CCDC148: variants seen among roughly 807,000 people sequenced by gnomAD.
CCDC148 encodes the protein coiled-coil domain containing 148, also known as coiled-coil domain-containing protein 148.
A neutral mutation model predicts 85.7 loss-of-function variants in CCDC148; 89 were observed. The observed-to-expected ratio is 1.04, with a 90% CI of 0.87 to 1.24. The LOEUF (loss-of-function observed/expected upper bound fraction) is 1.24, where lower values mean the gene tolerates loss of function less well. Among genes scored for constraint, CCDC148 ranks in the 50% most tolerant of loss-of-function variants. The pLI, the probability that CCDC148 is intolerant of heterozygous loss-of-function variation, is 0.00. For synonymous variants in CCDC148, 230 were observed against 213.9 expected, an observed-to-expected ratio of 1.08 and a Z score of -0.66; for missense variants, 692 against 671.7, an observed-to-expected ratio of 1.03 and a Z score of -0.33.
intron 9 of CCDC148, among the ~76,000 whole-genome samples, chr2:158,261,153 A>G (rs961580311): frequency 1.3e-5 from 2 of 152,146 alleles, no homozygotes; most frequent in Admixed American, 6.6e-5. Flanking sequence ...ACAACATGGT[A>G]CTGGTACAAA....
chr2:158,330,109 G>A (rs1039212098), intron 7 of CCDC148, among the ~76,000 whole-genome samples: 1 of 152,112 alleles, frequency 6.6e-6, no homozygotes, highest in Non-Finnish European at 1.5e-5. Flanking sequence ...AATGCTTCCA[G>A]TTTTTGCCCA....
chr2:158,366,091 A>G (rs1684191551), intron 1 of CCDC148: 1 of 1,482,048 alleles, frequency 6.7e-7, no homozygotes, highest in African/African-American at 1.4e-5. Context: ...TAAGGAAACG[A>G]GAGAACTAAA....
chr2:158,396,858 T>C (rs1314524796), intron 1 of CCDC148, among the ~76,000 whole-genome samples: 1 of 152,100 alleles, frequency 6.6e-6, no homozygotes, highest in Non-Finnish European at 1.5e-5. Context: ...CTAGTAGCAC[T>C]ACCAAAATTA....
intron 11 of CCDC148, among the ~76,000 whole-genome samples, chr2:158,218,293 T>C (rs548175062): frequency 7.9e-5 from 12 of 152,318 alleles, no homozygotes; most frequent in African/African-American, 2.6e-4. Context: ...ACAGAGCCTG[T>C]AGAGGTGAAA....
At chr2:158,417,437 T>A (rs1337110326) in intron 1 of CCDC148, among the ~76,000 whole-genome samples, 2 of 152,228 alleles carry the variant, frequency 1.3e-5, no homozygotes, top group African/African-American at 2.4e-5. Context: ...CCCTAGGGCT[T>A]CTTGGAGCCA....
Position 158,172,204 on chromosome 2 carries a change from T to G in CCDC148, c.1685A>C (p.His562Pro). Residue 562 changes from histidine to proline, a missense_variant, in exon 14 of 14, where the codon CAT (histidine) becomes CCT (proline). Transcript: ENST00000283233. ...TATCTCTTTAGCATAAAGTGTTCTA[T>G]GAAGTCCAGCTTCTCGAAGTGCTAA... ...FELALREAGL[H>P]RTLYAKEILP... The G allele has an allele frequency of 1.2e-6, 2 of 1,609,792 alleles. No individual in the cohort carries two copies. Among genetic ancestry groups the G allele is most frequent in the Non-Finnish European group, 1.7e-6 (2 of 1,177,728 alleles).
intron 1 of CCDC148, among the ~76,000 whole-genome samples, chr2:158,448,421 C>T (rs1322654003): frequency 6.6e-6 from 1 of 151,744 alleles, no homozygotes; most frequent in Non-Finnish European, 1.5e-5. Flanking sequence ...GATCACAGCT[C>T]ACTGCAGCCT....
chr2:158,318,583 A>AT (rs201518684), intron 7 of CCDC148, among the ~76,000 whole-genome samples: 37 of 150,916 alleles, frequency 2.5e-4, no homozygotes, highest in Admixed American at 1.1e-3. Context: ...TTTTACTTAG[A>AT]TTTTTTTTTA....
intron 1 of CCDC148, among the ~76,000 whole-genome samples, chr2:158,375,936 T>A (rs1188480469): frequency 6.6e-6 from 1 of 152,130 alleles, no homozygotes; most frequent in Non-Finnish European, 1.5e-5. Flanking sequence ...CCTGGACTCT[T>A]TCCCTCTGGA....
At chr2:158,316,815 C>T (rs927036695) in intron 7 of CCDC148, among the ~76,000 whole-genome samples, 1 of 152,142 alleles carries the variant, frequency 6.6e-6, no homozygotes, top group African/African-American at 2.4e-5. Flanking sequence ...TAGTAAAAAT[C>T]TAAGAATATT....
intron 9 of CCDC148, among the ~76,000 whole-genome samples, chr2:158,279,449 A>G (rs1469191672): frequency 1.3e-5 from 2 of 152,266 alleles, no homozygotes; most frequent in Non-Finnish European, 2.9e-5. Flanking sequence ...ATGGAGCTGA[A>G]AGCCAAGGCA....
rs558595657 is a variant in CCDC148, at chr2:158,234,982, G to A, written c.1252-14269C>T. Reference sequence around the variant, plus strand: ...TACACAATGGGGCCTTCCAGAGGGTGGAGGGTGGAGGAAAGAAAGGATGAG... The same window carrying A: ...TACACAATGGGGCCTTCCAGAGGGTAGAGGGTGGAGGAAAGAAAGGATGAG... On this transcript the variant is annotated intron_variant, in intron 10 of 13. Transcript: ENST00000283233. Among the ~76,000 whole-genome samples, 31 of 152,222 alleles carry A rather than the reference G, an allele frequency of 2.0e-4. No individual in the cohort carries two copies. In the South Asian group the frequency reaches 6.2e-3, roughly 31 times the overall value.
Position 158,340,681 on chromosome 2 carries a change from C to G in CCDC148, c.252-1G>C, listed in dbSNP as rs759467384. The stretch of plus-strand genomic sequence containing the variant: ...TTTTATTTCAGATTCCATTTTACAT[C>G]TGAAATAGATGTGATCTCAATAAAT... On this transcript the variant is annotated splice_acceptor_variant, in intron 3 of 13. Coordinates refer to ENST00000283233, the MANE Select transcript of CCDC148 (RefSeq NM_138803.4). LOFTEE classifies it high-confidence loss of function. 7.3e-6 allele frequency: 11 copies of G among 1,509,890 alleles called. No individual in the cohort carries two copies. The highest frequency in any genetic ancestry group is 1.9e-4 in the Middle Eastern group (1 of 5,184). 93.5% of individuals were successfully genotyped at this position (1,509,890 alleles called of 1,614,324 possible). A position where few individuals can be genotyped will look rare whatever the true frequency, so the allele number is the denominator to read the frequency against.
chr2:158,258,034 C>G (rs1475784857), intron 9 of CCDC148, among the ~76,000 whole-genome samples: 1 of 151,870 alleles, frequency 6.6e-6, no homozygotes, highest in Non-Finnish European at 1.5e-5. Context: ...CTCAAATCCT[C>G]TTCTAAAAAT....
intron 1 of CCDC148, among the ~76,000 whole-genome samples, chr2:158,434,393 C>T (rs1272400877): frequency 6.6e-6 from 1 of 152,180 alleles, no homozygotes; most frequent in Non-Finnish European, 1.5e-5. Context: ...CTCCAACAGA[C>T]CTGCAGCTGA....
chr2:158,435,016 GT>G (rs1687570650), intron 1 of CCDC148, among the ~76,000 whole-genome samples: 1 of 152,196 alleles, frequency 6.6e-6, no homozygotes. Context: ...GTACCTGAAA[GT>G]GACGGGGAGA....
chr2:158,280,909 G>C (rs572729411), intron 9 of CCDC148, among the ~76,000 whole-genome samples: 1,926 of 152,198 alleles, frequency 0.013, 31 homozygotes, highest in African/African-American at 0.039. Flanking sequence ...TAAAAGAACA[G>C]AAATTATAAC....
chr2:158,217,764 C>T (rs982671057), intron 11 of CCDC148, among the ~76,000 whole-genome samples: 28 of 152,176 alleles, frequency 1.8e-4, no homozygotes, highest in Admixed American at 3.3e-4. Context: ...AAGTAAATGA[C>T]GGAAGTTTTC....
chr2:158,311,632 G>A lies in CCDC148; in HGVS notation c.904-1993C>T, dbSNP rs58027125. Among the ~76,000 whole-genome samples, 1,092 of 152,226 alleles carry A rather than the reference G, an allele frequency of 7.2e-3. 13 individuals are homozygous for A. Among genetic ancestry groups the A allele is most frequent in the African/African-American group, 0.022 (931 of 41,514 alleles). On this transcript the variant is annotated intron_variant, in intron 8 of 13. Transcript: ENST00000283233. ...TCCCTATATATAATTTTTTAAATACGCCATCTTTACATCAGTTTTGGTATT... is the reference window on the plus strand; with the variant it reads ...TCCCTATATATAATTTTTTAAATACACCATCTTTACATCAGTTTTGGTATT...
Sources: allele counts gnomAD v4.1 joint callset (sites outside exome capture counted in the v4.1 genomes callset), GRCh38; gene constraint gnomAD v4.1.1; transcripts MANE v1.5; gene names NCBI Gene and HGNC (gene_info 2026-07-23, HGNC 2026-07-21).